The following LRIG1 variants were observed in gnomAD, a reference collection of about 807,000 sequenced individuals.
The protein encoded by LRIG1 is leucine rich repeats and immunoglobulin like domains 1.
A neutral mutation model predicts 99.2 loss-of-function variants in LRIG1; 48 were observed. The ratio of observed to expected loss-of-function variants is 0.48; its 90% CI spans 0.38 to 0.62. The LOEUF is 0.62. LRIG1 is among the 20% of genes least tolerant of loss of function. The pLI, the probability that LRIG1 is intolerant of heterozygous loss-of-function variation, is 0.00. For synonymous variants in LRIG1, 772 were observed against 596.1 expected (o/e 1.29, Z -4.30); for missense variants, 1,646 against 1,434.4 (o/e 1.15, Z -2.38).
chr3:66,412,288 G>T (rs1234369376), intron 6 of LRIG1, among the ~76,000 whole-genome samples: 2 of 152,230 alleles, frequency 1.3e-5, no homozygotes, highest in Non-Finnish European at 2.9e-5. Context: ...CCCAGAAGGG[G>T]AGAGAAGGAA....
At chr3:66,492,106 G>A (rs561871320) in intron 1 of LRIG1, among the ~76,000 whole-genome samples, 31 of 152,252 alleles carry the variant, frequency 2.0e-4, no homozygotes, top group African/African-American at 7.2e-4. Context: ...TTGTTATCCA[G>A]CCCAAAGTGC....
chr3:66,390,453 A>G (rs546386308), intron 12 of LRIG1, among the ~76,000 whole-genome samples: 1 of 152,338 alleles, frequency 6.6e-6, no homozygotes, highest in African/African-American at 2.4e-5. Flanking sequence ...CATGACTGAA[A>G]GAAATTTTTA....
chr3:66,428,974 G>C (rs1413245058), intron 3 of LRIG1, among the ~76,000 whole-genome samples: 2 of 152,194 alleles, frequency 1.3e-5, no homozygotes, highest in African/African-American at 4.8e-5. Flanking sequence ...GTTTATTCAG[G>C]TGGAGACTGG....
chr3:66,403,448 G>C (rs1009085317), intron 9 of LRIG1, among the ~76,000 whole-genome samples: 1 of 152,114 alleles, frequency 6.6e-6, no homozygotes, highest in Non-Finnish European at 1.5e-5. Flanking sequence ...TCAGTGGCTG[G>C]GTGGGGTGAG....
chr3:66,423,858 C>G (rs1391569720), intron 3 of LRIG1, among the ~76,000 whole-genome samples: 1 of 152,228 alleles, frequency 6.6e-6, no homozygotes, highest in African/African-American at 2.4e-5. Flanking sequence ...CTGATATGAC[C>G]TGACACGTAA....
chr3:66,496,836 C>T (rs1405420218), intron 1 of LRIG1, among the ~76,000 whole-genome samples: 1 of 152,186 alleles, frequency 6.6e-6, no homozygotes, highest in Non-Finnish European at 1.5e-5. Context: ...ATTTTCCAAA[C>T]CCTTAATTCA....
At chr3:66,430,863 ACACTTGC>A (rs1703148355) in intron 3 of LRIG1, among the ~76,000 whole-genome samples, 1 of 152,038 alleles carries the variant, frequency 6.6e-6, no homozygotes, top group Non-Finnish European at 1.5e-5. Context: ...GCCAACATAG[ACACTTGC>A]TTCTCTCTCA....
intron 1 of LRIG1, among the ~76,000 whole-genome samples, chr3:66,463,425 C>T (rs958609231): frequency 2.0e-5 from 3 of 152,208 alleles, no homozygotes; most frequent in African/African-American, 7.2e-5. Context: ...ATGATGGCGT[C>T]TGTGTCAATG....
intron 12 of LRIG1, chr3:66,387,564 A>C (rs1355055191): frequency 1.3e-5 from 2 of 152,172 alleles, no homozygotes; most frequent in Admixed American, 1.3e-4. Context: ...AATAAACAGC[A>C]ACAGCAGCAA....
At chr3:66,384,716 G>T (rs904500190) in intron 13 of LRIG1, among the ~76,000 whole-genome samples, 2 of 151,684 alleles carry the variant, frequency 1.3e-5, no homozygotes, top group Non-Finnish European at 2.9e-5. Flanking sequence ...GTGTTCATGG[G>T]ATGAATGGGA....
chr3:66,389,149 ATTAT>A (rs1437761529), intron 12 of LRIG1, among the ~76,000 whole-genome samples: 4 of 152,366 alleles, frequency 2.6e-5, no homozygotes, highest in African/African-American at 7.2e-5. Flanking sequence ...AGTTAATTTC[ATTAT>A]TTATTTGAAC....
intron 4 of LRIG1, among the ~76,000 whole-genome samples, chr3:66,416,628 CA>C (rs564677504): frequency 2.5e-4 from 38 of 152,188 alleles, no homozygotes; most frequent in African/African-American, 8.4e-4. Flanking sequence ...GCTGAAAACC[CA>C]CATAATAGAG....
chr3:66,394,924 G>A (rs1247112357), intron 11 of LRIG1, among the ~76,000 whole-genome samples: 3 of 152,242 alleles, frequency 2.0e-5, no homozygotes, highest in Non-Finnish European at 2.9e-5. Flanking sequence ...CAGGGAGCAT[G>A]AGAATGCACA....
rs1237058704 is a variant in LRIG1, at chr3:66,447,306, GTCT to G, written c.365+4250_365+4252del. On this transcript the variant is annotated intron_variant, in intron 3 of 18. Coordinates refer to ENST00000273261, the MANE Select transcript of LRIG1 (RefSeq NM_015541.3). ...ACCCTGTTATGCTATCAAATAGCAG[GTCT>G]TCATTCTATTTTTTTGTACCCATTG... is the stretch of plus-strand genomic sequence containing the variant. Among the ~76,000 whole-genome samples, 13 of 152,116 alleles carry G rather than the reference GTCT, an allele frequency of 8.5e-5. 1 individual carries two copies. The highest frequency in any genetic ancestry group is 2.9e-4 in the African/African-American group (12 of 41,472).
intron 8 of LRIG1, 138 bp from the exon 9 acceptor site, chr3:66,405,416 G>A: frequency 1.4e-6 from 1 of 705,228 alleles, no homozygotes; most frequent in Admixed American, 2.1e-5. Context: ...GTAGGGTGAA[G>A]AGACACGTGG....
chr3:66,410,247 C>A lies in LRIG1; in HGVS notation c.817G>T (p.Glu273Ter). The A allele has an allele frequency of 6.2e-7, 1 of 1,611,990 alleles. No homozygotes were observed. The highest frequency in any genetic ancestry group is 8.5e-7 in the Non-Finnish European group (1 of 1,178,970). The stretch of plus-strand genomic sequence containing the variant: ...CCGTAGAGCGAGCCGCTGTTCACTT[C>A]TACCAGGCTGTTGTACTCCAGGTGC... ...VLHLEYNSLV[E>*]VNSGSLYGLT... is the part of the protein sequence containing the mutation. Residue 273 changes from glutamate (E) to a stop codon, truncating the protein, a stop_gained, in exon 7 of 19, where the codon GAA becomes TAA. Transcript: ENST00000273261. LOFTEE classifies it high-confidence loss of function.
intron 1 of LRIG1, among the ~76,000 whole-genome samples, chr3:66,478,865 C>A (rs2106888566): frequency 6.6e-6 from 1 of 152,258 alleles, no homozygotes; most frequent in African/African-American, 2.4e-5. Flanking sequence ...GACCCTCTAC[C>A]CCCAGAGGCC....
chr3:66,412,991 C>A lies in LRIG1; in HGVS notation c.671G>T (p.Arg224Leu). 6.2e-7 allele frequency: 1 copy of A among 1,614,204 alleles called. No individual in the cohort carries two copies. The highest frequency in any genetic ancestry group is 8.5e-7 in the Non-Finnish European group (1 of 1,180,042). The change falls in exon 6 of 19, where the codon CGG (arginine) becomes CTG (leucine). Residue 224 changes from arginine to leucine, a missense_variant. Arg to Leu is a moderately radical substitution (Grantham distance 102). Coordinates refer to ENST00000273261, the MANE Select transcript of LRIG1 (RefSeq NM_015541.3). ...TQLDLNRNRI[R>L]LIEGLTFQGL... ...CTGGAAGGTGAGGCCCTCTATCAGC[C>A]GAATCCTGTTCCGATTGAGGTCCCT...
At chr3:66,486,867 A>C (rs1700986544) in intron 1 of LRIG1, among the ~76,000 whole-genome samples, 1 of 152,152 alleles carries the variant, frequency 6.6e-6, no homozygotes, top group African/African-American at 2.4e-5. Context: ...CCCAATATAT[A>C]ACTCCCAGAT....
Sources: gnomAD v4.1 joint callset for allele counts (sites outside exome capture counted in the v4.1 genomes callset) on GRCh38, gnomAD v4.1.1 for gene constraint, MANE v1.5 for transcripts, NCBI Gene and HGNC (gene_info 2026-07-23, HGNC 2026-07-21) for gene names.